TRPV4: variants seen among roughly 807,000 people sequenced by gnomAD.
The protein encoded by TRPV4 is OSM9-like transient receptor potential channel 4.
TRPV4 carries 58 observed loss-of-function variants against 84.1 expected under a neutral mutation model. The observed-to-expected ratio is 0.69, with a 90% CI of 0.56 to 0.86. TRPV4 has a LOEUF of 0.86. Ranked by LOEUF, TRPV4 falls within the 40% of genes least tolerant of loss-of-function variation. The probability of loss-of-function intolerance (pLI) is 0.00; values close to 1 mark genes in which losing one functional copy is unlikely to be tolerated. For synonymous variants in TRPV4, 489 were observed against 500.9 expected, an observed-to-expected ratio of 0.98 and a Z score of 0.32; for missense variants, 879 against 1,181.1, an observed-to-expected ratio of 0.74 and a Z score of 3.75.
chr12:109,789,812 T>G (rs1471089499), intron 12 of TRPV4, among the ~76,000 whole-genome samples: 4 of 152,238 alleles, frequency 2.6e-5, no homozygotes, highest in Non-Finnish European at 4.4e-5. Flanking sequence ...TTCTGAGACC[T>G]TGTCTGGACT....
Position 109,808,470 on chromosome 12 carries a change from T to C in TRPV4, c.387-2A>G. On this transcript the variant is annotated splice_acceptor_variant, in intron 2 of 15. Transcript: ENST00000261740. LOFTEE classifies it high-confidence loss of function. ...GCTTTGGGGCTCTGCGGCTGCTTCC[T>C]GGAGGAGGTAGGGAGGCAAGTTGAT... 6.2e-7 allele frequency: 1 copy of C among 1,610,930 alleles called. No homozygotes were observed. The highest frequency in any genetic ancestry group is 8.5e-7 in the Non-Finnish European group (1 of 1,177,726).
chr12:109,808,316 AGGC>A lies in TRPV4; in HGVS notation c.536_538del (p.Arg179del). The stretch of plus-strand genomic sequence containing the variant: ...CTCACCTCGAAACTCCTCATCAGTT[AGGC>A]GTTTCTTGTGGGTCAGCAAGAATGG... On this transcript the variant is annotated inframe_deletion, in exon 3 of 16. Transcript: ENST00000261740. The A allele has an allele frequency of 6.2e-7, 1 of 1,614,204 alleles. No homozygotes were observed. Among genetic ancestry groups the A allele is most frequent in the Non-Finnish European group, 8.5e-7 (1 of 1,180,034 alleles).
rs1186445597 is a variant in TRPV4, at chr12:109,820,514, C to CTTTTTT, written c.-31-5688_-31-5687insAAAAAA. 1.2e-3 allele frequency among the ~76,000 whole-genome samples: 148 copies of CTTTTTT among 123,116 alleles called. 9 individuals are homozygous for CTTTTTT. Among genetic ancestry groups the CTTTTTT allele is most frequent in the East Asian group, 1.6e-3 (5 of 3,212 alleles). 80.8% of individuals were successfully genotyped at this position (123,116 alleles called of 152,430 possible). ...CTGATCTTCACTTTCTTCAGCTGCC[C>CTTTTTT]TATTTTTTTTTTTTTTTTTTTTTTT... is the stretch of plus-strand genomic sequence containing the variant. On this transcript the variant is annotated intron_variant, in intron 1 of 15. Transcript: ENST00000261740.
intron 2 of TRPV4, among the ~76,000 whole-genome samples, chr12:109,810,286 G>A (rs954062144): frequency 2.1e-4 from 32 of 152,242 alleles, no homozygotes; most frequent in African/African-American, 7.7e-4. Flanking sequence ...TCTGTTCAAT[G>A]AATAAGAGAC....
At chr12:109,823,397 G>T (rs554686168) in intron 1 of TRPV4, among the ~76,000 whole-genome samples, 1 of 152,346 alleles carries the variant, frequency 6.6e-6, no homozygotes, top group African/African-American at 2.4e-5. Context: ...TGGTCATTCT[G>T]CAAGCCCTTG....
chr12:109,795,624 A>C (rs368055582), intron 7 of TRPV4, among the ~76,000 whole-genome samples: 1 of 152,254 alleles, frequency 6.6e-6, no homozygotes, highest in East Asian at 1.9e-4. Flanking sequence ...ATAAGAGAAC[A>C]GTTCATTTGA....
rs528815920 is a variant in TRPV4 at position 109,798,175 on chromosome 12, G to A, written c.1152+439C>T. 2.0e-5 allele frequency among the ~76,000 whole-genome samples: 3 copies of A among 152,298 alleles called. No homozygotes were observed. Among genetic ancestry groups the A allele is most frequent in the East Asian group, 1.9e-4 (1 of 5,180 alleles). ...TCAATGTCTGGCAATAGCACAAGAC[G>A]GTCCCCACCACAAAGAGCCTGCCGC... On this transcript the variant is annotated intron_variant, in intron 6 of 15. Coordinates refer to ENST00000261740, the MANE Select transcript of TRPV4 (RefSeq NM_021625.5). This position sits in a 1 kb window ranked among gnomAD's most constrained non-coding sequence, Gnocchi z 5.0.
chr12:109,784,892 C>T (rs1435370321), intron 14 of TRPV4, among the ~76,000 whole-genome samples: 5 of 135,312 alleles, frequency 3.7e-5, no homozygotes, highest in Non-Finnish European at 7.7e-5. Flanking sequence ...TGTGTGTATA[C>T]ACACACAAAA....
chr12:109,828,320 C>G (rs1050202532), intron 1 of TRPV4, among the ~76,000 whole-genome samples: 4 of 152,144 alleles, frequency 2.6e-5, no homozygotes, highest in Admixed American at 2.6e-4. Context: ...TGGGGTCACA[C>G]AGCCGGCAGT....
intron 4 of TRPV4, 83 bp from the exon 5 acceptor site, chr12:109,800,841 A>G (rs963930213): frequency 2.1e-4 from 107 of 517,640 alleles, no homozygotes; most frequent in Admixed American, 4.4e-4. Flanking sequence ...AGGGTGCAGG[A>G]CGTAGAAATT....
intron 1 of TRPV4, among the ~76,000 whole-genome samples, chr12:109,830,304 T>G (rs1892376895): frequency 6.6e-6 from 1 of 152,230 alleles, no homozygotes; most frequent in African/African-American, 2.4e-5. Flanking sequence ...GATTTCACCC[T>G]CTAGACCTCA....
Position 109,783,432 on chromosome 12 carries a change from G to A in TRPV4, c.*189C>T. ...TCCATAGGAGCAAGACAGGTGGCCG[G>A]GAGCCCCCACCCCAGGGTGGGGAGG... On this transcript the variant is annotated 3_prime_UTR_variant, in exon 16 of 16. Coordinates refer to ENST00000261740, the MANE Select transcript of TRPV4 (RefSeq NM_021625.5). This position sits in a 1 kb window ranked among gnomAD's most constrained non-coding sequence, Gnocchi z 4.6. 2.8e-6 allele frequency: 2 copies of A among 704,464 alleles called. No individual in the cohort carries two copies. The highest frequency in any genetic ancestry group is 4.6e-6 in the Non-Finnish European group (2 of 439,298). The allele number at this position is 704,464 out of a possible 1,614,324, so 43.6% of individuals were successfully genotyped here.
Position 109,783,661 on chromosome 12 carries a change from C to A in TRPV4, c.2576G>T (p.Gly859Val). 1 of 1,613,848 alleles carries A rather than the reference C, an allele frequency of 6.2e-7. No individual in the cohort carries two copies. Among genetic ancestry groups the A allele is most frequent in the Non-Finnish European group, 8.5e-7 (1 of 1,179,992 alleles). The change falls in exon 16 of 16, where the codon GGT (glycine) becomes GTT (valine). Residue 859 changes from glycine (G) to valine (V), a missense_variant. Gly to Val is a moderately radical substitution (Grantham distance 109). Around this residue, in one of 4 missense-constraint regions of TRPV4, gnomAD observed 242 missense variants for 355.3 expected, o/e 0.68. Coordinates refer to ENST00000261740, the MANE Select transcript of TRPV4 (RefSeq NM_021625.5). This position sits in a 1 kb window ranked among gnomAD's most constrained non-coding sequence, Gnocchi z 4.6. ...ATCAGTCCTCCACTTGCGGGGGTAA[C>A]CCTGCTGGTGGCCATCGCAGCGGGG... ...GNPRCDGHQQGYPRKWRTDDA... is the reference protein window; with the variant it reads ...GNPRCDGHQQVYPRKWRTDDA...
At position 109,786,960 on chromosome 12, in the gene TRPV4, C is replaced by G. The variant is rs985260747; in HGVS notation, c.2209-123G>C. 5 of 1,330,314 alleles carry G rather than the reference C, an allele frequency of 3.8e-6. No individual in the cohort carries two copies. The African/African-American group carries it at 7.2e-5, about 19-fold the overall frequency. The allele number at this position is 1,330,314 out of a possible 1,614,324, so 82.4% of individuals were successfully genotyped here. On this transcript the variant is annotated intron_variant, in intron 13 of 15. Transcript: ENST00000261740. This position sits in a 1 kb window ranked among gnomAD's most constrained non-coding sequence, Gnocchi z 4.5. ...AGAACTAGGCATTTAGACTCCTACT[C>G]CCCACTAGACACAGGGTTTATAAAC... is the stretch of plus-strand genomic sequence containing the variant.
Position 109,798,733 on chromosome 12 carries a change from T to C in TRPV4, c.1033A>G (p.Met345Val), listed in dbSNP as rs1198338889. 1 of 1,614,016 alleles carries C rather than the reference T, an allele frequency of 6.2e-7. No homozygotes were observed. The highest frequency in any genetic ancestry group is 1.3e-5 in the African/African-American group (1 of 74,914). The change falls in exon 6 of 16, where the codon ATG (methionine) becomes GTG (valine). Residue 345 changes from methionine to valine, a missense_variant. This residue lies in a region of TRPV4 where 521 missense variants were observed against 686.6 expected (regional missense o/e 0.76). Transcript: ENST00000261740. The surrounding 1 kb of genome is among the most constrained non-coding windows in gnomAD (Gnocchi z 5.0). Reference protein sequence around the residue: ...TRENTKFVTKMYDLLLLKCAR... With the variant: ...TRENTKFVTKVYDLLLLKCAR... ...CACTTGAGCAGCAGCAGGTCGTACA[T>C]CTTGGTAACAAACTTGGTGTTCTCA...
At position 109,796,855 on chromosome 12, in the gene TRPV4, A is replaced by C; in HGVS notation, c.1153-151T>G. 1.2e-6 allele frequency: 1 copy of C among 811,406 alleles called. No homozygotes were observed. The highest frequency in any genetic ancestry group is 3.0e-5 in the Admixed American group (1 of 33,068). The allele number at this position is 811,406 out of a possible 1,614,324, so 50.3% of individuals were successfully genotyped here. On this transcript the variant is annotated intron_variant, in intron 6 of 15. Transcript: ENST00000261740. This position sits in a 1 kb window ranked among gnomAD's most constrained non-coding sequence, Gnocchi z 4.2. ...ATCTTGTTTAATTCTTGCTCTTATT[A>C]TCTTGGTTTACAGATAAAGAATGGA... is the stretch of plus-strand genomic sequence containing the variant.
chr12:109,813,297 C>T (rs11833899), intron 2 of TRPV4, among the ~76,000 whole-genome samples: 4 of 151,842 alleles, frequency 2.6e-5, no homozygotes, highest in Non-Finnish European at 4.4e-5. Flanking sequence ...CCTGTAATCC[C>T]GCTACTCGGG....
intron 12 of TRPV4, 82 bp downstream of exon 12, chr12:109,792,281 G>T: frequency 2.0e-6 from 2 of 993,546 alleles, no homozygotes; most frequent in South Asian, 1.3e-5. Context: ...CAGCAAGGCT[G>T]CTATTGTCCC....
At chr12:109,804,166 T>C (rs1283348872) in intron 3 of TRPV4, among the ~76,000 whole-genome samples, 5 of 152,148 alleles carry the variant, frequency 3.3e-5, no homozygotes, top group African/African-American at 1.2e-4. Flanking sequence ...TACTAGCGGG[T>C]CCTTAACACC....
Sources: gnomAD v4.1 joint callset for allele counts (sites outside exome capture counted in the v4.1 genomes callset) on GRCh38, gnomAD v4.1.1 for gene constraint, gnomAD v4.1.1 regional missense constraint, Gnocchi (gnomAD v3.1) non-coding constraint, MANE v1.5 for transcripts, NCBI Gene and HGNC (gene_info 2026-07-23, HGNC 2026-07-21) for gene names.